The following PLIN5 variants were observed in gnomAD, a reference collection of about 807,000 sequenced individuals.
PLIN5 encodes perilipin 5, also known as perilipin-5.
A neutral mutation model predicts 32.8 loss-of-function variants in PLIN5; 34 were observed. That is an observed-to-expected ratio of 1.04 (90% confidence interval 0.79 to 1.38). The LOEUF (loss-of-function observed/expected upper bound fraction) is 1.38, where lower values mean the gene tolerates loss of function less well. Ranked by LOEUF, PLIN5 falls within the 40% of genes most tolerant of loss-of-function variation. PLIN5 has a pLI of 0.00. For missense variants in PLIN5, 712 were observed against 660.5 expected (o/e 1.08, Z -0.85); for synonymous variants, 309 against 292.9 (o/e 1.05, Z -0.56).
In PLIN5 at chr19:4,530,018, G is replaced by A. The variant is rs116267473; in HGVS notation, c.257-152C>T. ...AAGACAGGGAGAAACAAAACGGAAT[G>A]ATGGAGACGAGACCCACACCAGGAG... On this transcript the variant is annotated intron_variant, in intron 3 of 7. Coordinates refer to ENST00000381848, the MANE Select transcript of PLIN5 (RefSeq NM_001013706.3). The A allele has an allele frequency of 3.1e-3, 1,509 of 484,694 alleles. 24 individuals are homozygous for A. Among genetic ancestry groups the A allele is most frequent in the African/African-American group, 0.027 (1,378 of 51,970 alleles). 30.0% of individuals were successfully genotyped at this position (484,694 alleles called of 1,614,324 possible). A position where few individuals can be genotyped will look rare whatever the true frequency, so the allele number is the denominator to read the frequency against.
At chr19:4,524,160 G>T in intron 7 of PLIN5, 75 bp from the exon 8 acceptor site, 1 of 1,344,342 alleles carries the variant, frequency 7.4e-7, no homozygotes, top group Non-Finnish European at 9.6e-7. Flanking sequence ...TTTCTCTGAT[G>T]GACCCACAGT....
chr19:4,533,999 G>C lies in PLIN5; in HGVS notation c.60+16C>G. The stretch of plus-strand genomic sequence containing the variant: ...AATACCTTCTGTCCCTGCTCCATGG[G>C]AGGGGCAGCCCTCACCTGCTGGTCC... On this transcript the variant is annotated intron_variant, in intron 2 of 7. Coordinates refer to ENST00000381848, the MANE Select transcript of PLIN5 (RefSeq NM_001013706.3). The C allele has an allele frequency of 6.2e-7, 1 of 1,610,792 alleles. No individual in the cohort carries two copies. Among genetic ancestry groups the C allele is most frequent in the Non-Finnish European group, 8.5e-7 (1 of 1,178,544 alleles).
At chr19:4,530,511 A>G (rs558787285) in intron 3 of PLIN5, among the ~76,000 whole-genome samples, 1 of 152,004 alleles carries the variant, frequency 6.6e-6, no homozygotes, top group South Asian at 2.1e-4. Flanking sequence ...TGCGGGGCTT[A>G]GGACAGGCAG....
intron 4 of PLIN5, 139 bp downstream of exon 4, chr19:4,529,645 A>ACACACACG: frequency 1.7e-6 from 1 of 593,050 alleles, no homozygotes; most frequent in East Asian, 3.0e-5. Flanking sequence ...ACACACACAC[A>ACACACACG]CACACGTTGC....
At chr19:4,529,274 A>G (rs1192584138) in intron 4 of PLIN5, 21 bp from the exon 5 acceptor site, 1 of 1,570,184 alleles carries the variant, frequency 6.4e-7, no homozygotes. Context: ...GGGCCCCCCC[A>G]CTCCAGGCAC....
In PLIN5 at chr19:4,529,060, G is replaced by A. The variant is rs764934512; in HGVS notation, c.520+13C>T. On this transcript the variant is annotated intron_variant, in intron 5 of 7. Coordinates refer to ENST00000381848, the MANE Select transcript of PLIN5 (RefSeq NM_001013706.3). ...CAGGACTCAGGGGTTAGGGTTGAGG[G>A]TGTCGTCCTCACCGAGCTCTTCCTC... 1 of 1,610,548 alleles carries A rather than the reference G, an allele frequency of 6.2e-7. No individual in the cohort carries two copies. Among genetic ancestry groups the A allele is most frequent in the Non-Finnish European group, 8.5e-7 (1 of 1,178,526 alleles).
At position 4,524,012 on chromosome 19, in the gene PLIN5, G is replaced by A; in HGVS notation, c.908C>T (p.Ser303Phe). The A allele has an allele frequency of 6.6e-7, 1 of 1,516,214 alleles. No individual in the cohort carries two copies. Among genetic ancestry groups the A allele is most frequent in the South Asian group, 1.2e-5 (1 of 81,080 alleles). The allele number at this position is 1,516,214 out of a possible 1,614,324, so 93.9% of individuals were successfully genotyped here. Reference sequence around the variant, plus strand: ...GCCGGCGGGCAGGCCCCGCACGCTGGACTCCAGAGCCTCTACCGTGCCCTG... The same window carrying A: ...GCCGGCGGGCAGGCCCCGCACGCTGAACTCCAGAGCCTCTACCGTGCCCTG... ...ELQGTVEALE[S>F]SVRGLPAGAQ... is the part of the protein sequence containing the mutation. The change falls in exon 8 of 8, where the codon TCC (serine) becomes TTC (phenylalanine). Residue 303 changes from serine to phenylalanine, a missense_variant. Physicochemically the swap from Ser to Phe is radical, Grantham distance 155. Coordinates refer to ENST00000381848, the MANE Select transcript of PLIN5 (RefSeq NM_001013706.3).
intron 3 of PLIN5, 39 bp from the exon 4 acceptor site, chr19:4,529,905 G>A (rs746313247): frequency 2.7e-5 from 38 of 1,385,078 alleles, no homozygotes; most frequent in East Asian, 7.0e-5. Flanking sequence ...TCGGGGAGAC[G>A]CAGAGGGAGA....
Position 4,525,616 on chromosome 19 carries a change from GGGCA to G in PLIN5, c.720+13_720+16del. 1.2e-6 allele frequency: 2 copies of G among 1,610,758 alleles called. No homozygotes were observed. The highest frequency in any genetic ancestry group is 1.7e-6 in the Non-Finnish European group (2 of 1,179,846). On this transcript the variant is annotated intron_variant, in intron 6 of 7. Coordinates refer to ENST00000381848, the MANE Select transcript of PLIN5 (RefSeq NM_001013706.3). This position sits in a 1 kb window ranked among gnomAD's most constrained non-coding sequence, Gnocchi z 5.6. ...TTGGCCTGCATCCCGGAGCAGGGGC[GGGCA>G]GCGGGCTCTCACCAGCTCCAGCGTC...
rs374372886 is a variant in PLIN5 at position 4,531,710 on chromosome 19, C to A, written c.173G>T (p.Arg58Leu). 1 of 1,580,494 alleles carries A rather than the reference C, an allele frequency of 6.3e-7. No homozygotes were observed. Among genetic ancestry groups the A allele is most frequent in the South Asian group, 1.2e-5 (1 of 86,340 alleles). Residue 58 changes from arginine (R) to leucine (L), a missense_variant, in exon 3 of 8, where the codon CGC becomes CTC. Arg to Leu is a moderately radical substitution (Grantham distance 102, BLOSUM62 -2). Coordinates refer to ENST00000381848, the MANE Select transcript of PLIN5 (RefSeq NM_001013706.3). ...GCCGCACACGCAGTTCTCAGCCAGG[C>A]GGCAGGCGGAGCCCAGCAGCGGGTG... ...DRHPLLGSAC[R>L]LAENCVCGLT... is the part of the protein sequence containing the mutation.
In PLIN5 at chr19:4,523,653, G is replaced by A. The variant is rs751310778; in HGVS notation, c.1267C>T (p.His423Tyr). The A allele has an allele frequency of 1.9e-6, 3 of 1,610,810 alleles. No homozygotes were observed. Among genetic ancestry groups the A allele is most frequent in the Admixed American group, 3.3e-5 (2 of 59,956 alleles). Reference protein sequence around the residue: ...PAQQRAWEAEHRDGSGNGDGD... With the variant: ...PAQQRAWEAEYRDGSGNGDGD... ...TCCCCATTCCCACTCCCGTCCCTGT[G>A]CTCTGCCTCCCAGGCTCTCTGCTGG... The change falls in exon 8 of 8, where the codon CAC becomes TAC. Residue 423 changes from histidine (H) to tyrosine (Y), a missense_variant. His to Tyr is a moderately conservative substitution (Grantham distance 83). Coordinates refer to ENST00000381848, the MANE Select transcript of PLIN5 (RefSeq NM_001013706.3). This position sits in a 1 kb window ranked among gnomAD's most constrained non-coding sequence, Gnocchi z 5.0.
At chr19:4,532,793 C>T (rs1399388972) in intron 2 of PLIN5, 2 of 152,262 alleles carry the variant, frequency 1.3e-5, no homozygotes, top group Non-Finnish European at 2.9e-5. Context: ...CCTCAGTTTC[C>T]AAGTACCTGG....
chr19:4,527,242 AT>A (rs547002634), intron 5 of PLIN5, among the ~76,000 whole-genome samples: 1 of 151,510 alleles, frequency 6.6e-6, no homozygotes, highest in African/African-American at 2.4e-5. Flanking sequence ...CGCCCGGCCA[AT>A]TTTTTGTATT....
rs774822888 is a variant in PLIN5 at position 4,533,826 on chromosome 19, C to A, written c.60+189G>T. 175 of 647,732 alleles carry A rather than the reference C, an allele frequency of 2.7e-4. No homozygotes were observed. The highest frequency in any genetic ancestry group is 4.3e-4 in the Non-Finnish European group (165 of 381,668). The allele number at this position is 647,732 out of a possible 1,614,324, so 40.1% of individuals were successfully genotyped here. ...AGCTGGGTGTCTTTGAGAGACACTC[C>A]CCTCCCAGGGCCTCATTAAGCCCCC... On this transcript the variant is annotated intron_variant, in intron 2 of 7. Coordinates refer to ENST00000381848, the MANE Select transcript of PLIN5 (RefSeq NM_001013706.3).
chr19:4,524,984 C>T lies in PLIN5; in HGVS notation c.813G>A (p.Pro271=), dbSNP rs776408852. Reference sequence around the variant, plus strand: ...TCACCTGGCTCCGGCGGCGGCTCTCCGGAGGGCGCTGGCCCCATTCCCCCC... The same window carrying T: ...TCACCTGGCTCCGGCGGCGGCTCTCTGGAGGGCGCTGGCCCCATTCCCCCC... The part of the protein sequence containing the change: ...ELWGEWGQRP[P]ESRRRSQAEL... Residue 271 remains proline, a synonymous_variant, in exon 7 of 8, where the codon CCG becomes CCA. Transcript: ENST00000381848. The T allele has an allele frequency of 2.8e-5, 43 of 1,529,380 alleles. No homozygotes were observed. The highest frequency in any genetic ancestry group is 2.3e-4 in the Middle Eastern group (1 of 4,364). The allele number at this position is 1,529,380 out of a possible 1,614,324, so 94.7% of individuals were successfully genotyped here. A position where few individuals can be genotyped will look rare whatever the true frequency, so the allele number is the denominator to read the frequency against.
Position 4,531,675 on chromosome 19 carries a change from G to A in PLIN5, c.208C>T (p.Arg70Cys), listed in dbSNP as rs989847558. The A allele has an allele frequency of 9.7e-6, 15 of 1,546,616 alleles. No homozygotes were observed. Among genetic ancestry groups the A allele is most frequent in the Middle Eastern group, 2.2e-4 (1 of 4,448 alleles). ...AENCVCGLTT[R>C]ALDHAQPLLE... ...AGCGGCTGGGCGTGGTCCAGGGCAC[G>A]GGTGGTCAGGCCGCACACGCAGTTC... is the stretch of plus-strand genomic sequence containing the variant. The change falls in exon 3 of 8, where the codon CGT (arginine) becomes TGT (cysteine). Residue 70 changes from arginine to cysteine, a missense_variant. Coordinates refer to ENST00000381848, the MANE Select transcript of PLIN5 (RefSeq NM_001013706.3).
At chr19:4,529,641 A>G in intron 4 of PLIN5, 143 bp downstream of exon 4, 1 of 536,784 alleles carries the variant, frequency 1.9e-6, no homozygotes, top group South Asian at 2.0e-5. Flanking sequence ...ACACACACAC[A>G]CACACACACG....
Position 4,534,092 on chromosome 19 carries a change from C to A in PLIN5, c.-18G>T. The A allele has an allele frequency of 1.2e-6, 2 of 1,609,118 alleles. No homozygotes were observed. Among genetic ancestry groups the A allele is most frequent in the South Asian group, 1.1e-5 (1 of 90,076 alleles). ...TCAGACATCGTGCTGCAAACAGGGT[C>A]ACCCTGCGGGGCAGGATTGAGTAAG... On this transcript the variant is annotated 5_prime_UTR_variant, in exon 2 of 8. Coordinates refer to ENST00000381848, the MANE Select transcript of PLIN5 (RefSeq NM_001013706.3).
Position 4,523,491 on chromosome 19 carries a change from AGGT to A in PLIN5, c.*34_*36del. 6.6e-7 allele frequency: 1 copy of A among 1,522,074 alleles called. No homozygotes were observed. The allele number at this position is 1,522,074 out of a possible 1,614,324, so 94.3% of individuals were successfully genotyped here. A position where few individuals can be genotyped will look rare whatever the true frequency, so the allele number is the denominator to read the frequency against. On this transcript the variant is annotated 3_prime_UTR_variant, in exon 8 of 8. Transcript: ENST00000381848. The surrounding 1 kb of genome is among the most constrained non-coding windows in gnomAD (Gnocchi z 5.0). The stretch of plus-strand genomic sequence containing the variant: ...GGGGGCAGCAGGGATCGGGGTGTGC[AGGT>A]GGCCTTTCCTCCCCGCCTCCACTGG...
Sources: gnomAD v4.1 joint callset for allele counts (sites outside exome capture counted in the v4.1 genomes callset) on GRCh38, gnomAD v4.1.1 for gene constraint, Gnocchi (gnomAD v3.1) non-coding constraint, MANE v1.5 for transcripts, NCBI Gene and HGNC (gene_info 2026-07-23, HGNC 2026-07-21) for gene names.